BSN: variants seen among roughly 807,000 people sequenced by gnomAD.
The protein encoded by BSN is bassoon presynaptic cytomatrix protein.
A neutral mutation model predicts 264.8 loss-of-function variants in BSN; 57 were observed. The observed-to-expected ratio is 0.22, with a 90% confidence interval of 0.17 to 0.27. The LOEUF (loss-of-function observed/expected upper bound fraction) is 0.27, where lower values mean the gene tolerates loss of function less well. Among genes scored for constraint, BSN ranks in the 10% least tolerant of loss-of-function variants. The pLI, the probability that BSN is intolerant of heterozygous loss-of-function variation, is 1.00. For missense variants in BSN, 4,615 were observed against 5,232.5 expected (o/e 0.88, Z 3.64); for synonymous variants, 2,059 against 2,137.3 (o/e 0.96, Z 1.01).
downstream of BSN, among the ~76,000 whole-genome samples, chr3:49,672,479 CT>C (rs371314787): frequency 7.6e-4 from 109 of 142,988 alleles, no homozygotes; most frequent in Admixed American, 1.0e-3. Flanking sequence ...AGTTGGGACT[CT>C]TTTTTTTTTT....
At chr3:49,659,799 G>T (rs986907269) in intron 5 of BSN, among the ~76,000 whole-genome samples, 1 of 152,178 alleles carries the variant, frequency 6.6e-6, no homozygotes, top group Non-Finnish European at 1.5e-5. Flanking sequence ...CCAGAGAACA[G>T]CAGGTTGACC....
Position 49,656,319 on chromosome 3 carries a change from C to T in BSN, c.6763C>T (p.Pro2255Ser). 1 of 1,612,994 alleles carries T rather than the reference C, an allele frequency of 6.2e-7. No homozygotes were observed. Among genetic ancestry groups the T allele is most frequent in the Non-Finnish European group, 8.5e-7 (1 of 1,179,848 alleles). ...GATTGCCCCCCGGGTACCTCTTGGACCCACAGGGCTGTACCGCTATCCTGC... is the reference window on the plus strand; with the variant it reads ...GATTGCCCCCCGGGTACCTCTTGGATCCACAGGGCTGTACCGCTATCCTGC... ...PMIAPRVPLG[P>S]TGLYRYPAPS... The change falls in exon 5 of 12, where the codon CCC (proline) becomes TCC (serine). Residue 2255 changes from proline (P) to serine (S), a missense_variant. By Grantham distance (74) the Pro-to-Ser change is moderately conservative (BLOSUM62 -1). Around this residue, in one of 3 missense-constraint regions of BSN, gnomAD observed 3,415 missense variants for 3,866.4 expected, o/e 0.88. Transcript: ENST00000296452.
At chr3:49,595,257 A>G (rs1471089079) in intron 1 of BSN, among the ~76,000 whole-genome samples, 1 of 147,752 alleles carries the variant, frequency 6.8e-6, no homozygotes, top group Non-Finnish European at 1.5e-5. Context: ...CAATGGCACG[A>G]TCTCGGCTCA....
chr3:49,659,917 C>G (rs961603881), intron 5 of BSN, among the ~76,000 whole-genome samples: 1 of 151,860 alleles, frequency 6.6e-6, no homozygotes, highest in Admixed American at 6.6e-5. Flanking sequence ...AGCTGAGGAG[C>G]CTTCCACTTT....
At position 49,664,442 on chromosome 3, in the gene BSN, G is replaced by T. The variant is rs1393824311; in HGVS notation, c.11628G>T (p.Arg3876Ser). 5 of 1,613,586 alleles carry T rather than the reference G, an allele frequency of 3.1e-6. No individual in the cohort carries two copies. Among genetic ancestry groups the T allele is most frequent in the African/African-American group, 1.3e-5 (1 of 74,904 alleles). Residue 3876 changes from arginine (R) to serine (S), a missense_variant, in exon 9 of 12, where the codon AGG becomes AGT. By Grantham distance (110) the Arg-to-Ser change is moderately radical. Transcript: ENST00000296452. ...TCCTAGGTGTGAAGGCTGGAGCCAG[G>T]CCTGGAGGAACCCCAGGGGCTCCCG... ...PGPAGVKAGA[R>S]PGGTPGAPAG...
At chr3:49,623,043 G>A (rs557371967) in intron 1 of BSN, among the ~76,000 whole-genome samples, 1 of 152,216 alleles carries the variant, frequency 6.6e-6, no homozygotes, top group Non-Finnish European at 1.5e-5. Context: ...TTCTCTACCC[G>A]CCAGTTCCTC....
chr3:49,599,980 G>T (rs893762294), intron 1 of BSN, among the ~76,000 whole-genome samples: 3 of 152,196 alleles, frequency 2.0e-5, no homozygotes, highest in African/African-American at 7.2e-5. Flanking sequence ...GTGTGCTTAG[G>T]CCCTGGCCTG....
Position 49,643,137 on chromosome 3 carries a change from A to G in BSN, c.1503A>G (p.Thr501=). 6.2e-7 allele frequency: 1 copy of G among 1,606,492 alleles called. No homozygotes were observed. Among genetic ancestry groups the G allele is most frequent in the East Asian group, 2.2e-5 (1 of 44,668 alleles). ...GCAACCTGTGTGGCTTCAACCCAAC[A>G]CCCCACCTGGTGGAGGTAAGAGCTG... is the stretch of plus-strand genomic sequence containing the variant. ...QVCNLCGFNP[T]PHLVEKTEWL... is the part of the protein sequence containing the mutation. Residue 501 remains threonine, a synonymous_variant, in exon 3 of 12, where the codon ACA becomes ACG. Coordinates refer to ENST00000296452, the MANE Select transcript of BSN (RefSeq NM_003458.4).
intron 1 of BSN, among the ~76,000 whole-genome samples, chr3:49,593,604 C>A (rs1368450865): frequency 6.6e-6 from 1 of 152,020 alleles, no homozygotes; most frequent in Non-Finnish European, 1.5e-5. Flanking sequence ...TGTAGTGAAT[C>A]CTGTTGTGGT....
intron 1 of BSN, among the ~76,000 whole-genome samples, chr3:49,597,027 C>T (rs2052028951): frequency 6.6e-6 from 1 of 152,144 alleles, no homozygotes; most frequent in Non-Finnish European, 1.5e-5. Flanking sequence ...TCTTGATTGA[C>T]AGTTGAGCTT....
At chr3:49,615,522 G>T (rs1244771135) in intron 1 of BSN, among the ~76,000 whole-genome samples, 1 of 152,156 alleles carries the variant, frequency 6.6e-6, no homozygotes, top group Admixed American at 6.5e-5. Context: ...CCTCAAGGGA[G>T]CTCTGCCTAT....
intron 1 of BSN, among the ~76,000 whole-genome samples, chr3:49,605,669 T>TAAAATATATGTAA (rs1431812349): frequency 2.0e-5 from 1 of 49,762 alleles, no homozygotes; most frequent in African/African-American, 8.2e-5. Context: ...ATAATATATA[T>TAAAATATATGTAA]TACATATATG....
rs763686956 is a variant in BSN, at chr3:49,642,856, C to A, written c.1222C>A (p.Pro408Thr). ...KPLGSGPGPGPAPGAKTEPGA... is the reference protein window; with the variant it reads ...KPLGSGPGPGTAPGAKTEPGA... ...CTTGGGCTCAGGGCCCGGGCCTGGG[C>A]CAGCACCTGGAGCCAAAACTGAGCC... The change falls in exon 3 of 12, where the codon CCA (proline) becomes ACA (threonine). Residue 408 changes from proline to threonine, a missense_variant. By Grantham distance (38) the Pro-to-Thr change is conservative (BLOSUM62 -1). Transcript: ENST00000296452. The surrounding 1 kb of genome is among the most constrained non-coding windows in gnomAD (Gnocchi z 7.0). 4 of 1,613,264 alleles carry A rather than the reference C, an allele frequency of 2.5e-6. No individual in the cohort carries two copies. The South Asian group carries it at 4.4e-5, about 18-fold the overall frequency.
chr3:49,601,801 G>C (rs1345038525), intron 1 of BSN, among the ~76,000 whole-genome samples: 1 of 152,198 alleles, frequency 6.6e-6, no homozygotes, highest in Non-Finnish European at 1.5e-5. Context: ...TTTTTCAAAA[G>C]GAGGTAGTTA....
At chr3:49,673,087 C>CTTTTTTTTTTTTT (rs71080543), downstream of BSN, among the ~76,000 whole-genome samples, 340 of 43,182 alleles carry the variant, frequency 7.9e-3, 76 homozygotes, top group East Asian at 0.012. Context: ...CCGGCCGGGA[C>CTTTTTTTTTTTTT]TTTTTTTTTT....
Position 49,625,221 on chromosome 3 carries a change from C to A in BSN, c.471C>A (p.Ser157=). Residue 157 remains serine, a synonymous_variant, in exon 2 of 12, where the codon TCC becomes TCA. Coordinates refer to ENST00000296452, the MANE Select transcript of BSN (RefSeq NM_003458.4). The surrounding 1 kb of genome is among the most constrained non-coding windows in gnomAD (Gnocchi z 4.4). ...GCAGCACCCCCACATCACCCTACTC[C>A]GTCCCTCAGATCGCCCCCCTTCCCA... is the stretch of plus-strand genomic sequence containing the variant. ...DRGSTPTSPY[S]VPQIAPLPSS... The A allele has an allele frequency of 6.3e-7, 1 of 1,583,770 alleles. No homozygotes were observed. Among genetic ancestry groups the A allele is most frequent in the Non-Finnish European group, 8.6e-7 (1 of 1,165,780 alleles).
At chr3:49,631,174 A>T (rs1031597994) in intron 2 of BSN, among the ~76,000 whole-genome samples, 1 of 151,152 alleles carries the variant, frequency 6.6e-6, no homozygotes, top group African/African-American at 2.4e-5. Flanking sequence ...CACTGCCACC[A>T]AGAACCACAC....
In BSN at chr3:49,652,214, C is replaced by A; in HGVS notation, c.2658C>A (p.Ser886Arg). The A allele has an allele frequency of 6.2e-7, 1 of 1,612,792 alleles. No homozygotes were observed. Reference protein sequence around the residue: ...KGGPRPRPEPSQEPAALPKRR... With the variant: ...KGGPRPRPEPRQEPAALPKRR... ...GCCCCAGACCCAGGCCTGAGCCTAG[C>A]CAAGAACCAGCAGCACTGCCCAAGA... Residue 886 changes from serine (S) to arginine (R), a missense_variant, in exon 5 of 12, where the codon AGC becomes AGA. Physicochemically the swap from Ser to Arg is moderately radical, Grantham distance 110 (BLOSUM62 -1). Coordinates refer to ENST00000296452, the MANE Select transcript of BSN (RefSeq NM_003458.4).
At chr3:49,606,218 T>TTA (rs1481656051) in intron 1 of BSN, among the ~76,000 whole-genome samples, 3 of 47,682 alleles carry the variant, frequency 6.3e-5, no homozygotes, top group African/African-American at 3.2e-4. Flanking sequence ...TATGTATATA[T>TTA]TATATATACA....
Sources: allele counts gnomAD v4.1 joint callset (sites outside exome capture counted in the v4.1 genomes callset), GRCh38; gene constraint gnomAD v4.1.1; regional missense constraint gnomAD v4.1.1; non-coding constraint Gnocchi (gnomAD v3.1); transcripts MANE v1.5; gene names NCBI Gene and HGNC (gene_info 2026-07-23, HGNC 2026-07-21).